The following KCNMB2 variants were observed in gnomAD, a reference collection of about 807,000 sequenced individuals.
KCNMB2 encodes potassium calcium-activated channel subfamily M regulatory beta subunit 2, also known as calcium-activated potassium channel subunit beta-2.
KCNMB2 carries 9 observed loss-of-function variants against 24.5 expected under a neutral mutation model. The ratio of observed to expected loss-of-function variants is 0.37; its 90% confidence interval spans 0.22 to 0.64. KCNMB2 has a LOEUF of 0.64. KCNMB2 is among the 30% of genes least tolerant of loss of function. KCNMB2 has a pLI of 0.63. For missense variants in KCNMB2, 226 were observed against 284.3 expected (o/e 0.79, Z 1.47); for synonymous variants, 109 against 104.4 (o/e 1.04, Z -0.27).
intron 1 of KCNMB2, among the ~76,000 whole-genome samples, chr3:178,552,101 G>A (rs140955148): frequency 0.036 from 5,496 of 152,248 alleles, 180 homozygotes; most frequent in South Asian, 0.12. Flanking sequence ...CTTTCCTGTG[G>A]ATCAAAATCT....
intron 1 of KCNMB2, among the ~76,000 whole-genome samples, chr3:178,620,271 C>T (rs942450543): frequency 7.2e-5 from 11 of 151,926 alleles, no homozygotes; most frequent in African/African-American, 2.4e-4. Context: ...TGCCAAAATG[C>T]TAATAGCTGG....
Position 178,598,850 on chromosome 3 carries a change from G to A in KCNMB2, c.-68+62139G>A, listed in dbSNP as rs116465547. On this transcript the variant is annotated intron_variant, in intron 1 of 4. Transcript: ENST00000452583. Reference sequence around the variant, plus strand: ...GTATGCACTCTCCTCTAAGTCAGTCGTTCTTCATTCTTGCTGCACACTACA... The same window carrying A: ...GTATGCACTCTCCTCTAAGTCAGTCATTCTTCATTCTTGCTGCACACTACA... Among the ~76,000 whole-genome samples, 402 of 152,134 alleles carry A rather than the reference G, an allele frequency of 2.6e-3. 3 individuals carry two copies. Among genetic ancestry groups the A allele is most frequent in the African/African-American group, 9.2e-3 (380 of 41,508 alleles).
chr3:178,808,119 T>C (rs981706426), intron 2 of KCNMB2, among the ~76,000 whole-genome samples: 2 of 151,748 alleles, frequency 1.3e-5, no homozygotes, highest in Non-Finnish European at 2.9e-5. Flanking sequence ...AAGGGAAAAA[T>C]GAGGGAATAA....
intron 1 of KCNMB2, among the ~76,000 whole-genome samples, chr3:178,612,430 T>A (rs922408331): frequency 6.6e-6 from 1 of 152,174 alleles, no homozygotes; most frequent in Non-Finnish European, 1.5e-5. Context: ...CAGTGTTGGG[T>A]GCATATATAT....
intron 1 of KCNMB2, among the ~76,000 whole-genome samples, chr3:178,612,421 A>C (rs1718513325): frequency 6.6e-6 from 1 of 152,098 alleles, no homozygotes; most frequent in African/African-American, 2.4e-5. Context: ...TGGGTGCTGC[A>C]GTGTTGGGTG....
chr3:178,585,853 T>C (rs542264586), intron 1 of KCNMB2, among the ~76,000 whole-genome samples: 1 of 152,354 alleles, frequency 6.6e-6, no homozygotes, highest in Admixed American at 6.5e-5. Flanking sequence ...ATAAAAGTGA[T>C]CATTTATATG....
At chr3:178,598,307 A>C (rs1342484352) in intron 1 of KCNMB2, among the ~76,000 whole-genome samples, 1 of 152,172 alleles carries the variant, frequency 6.6e-6, no homozygotes. Context: ...TCTGCGATGC[A>C]AATTATAGAC....
At chr3:178,620,069 G>C (rs1216081843) in intron 1 of KCNMB2, among the ~76,000 whole-genome samples, 1 of 152,064 alleles carries the variant, frequency 6.6e-6, no homozygotes, top group Non-Finnish European at 1.5e-5. Context: ...CATTCTTATT[G>C]ACTTATTCTA....
At chr3:178,581,651 G>A (rs965285460) in intron 1 of KCNMB2, among the ~76,000 whole-genome samples, 2 of 151,996 alleles carry the variant, frequency 1.3e-5, no homozygotes, top group African/African-American at 2.4e-5. Flanking sequence ...AATCTACAAG[G>A]AGCTTAAACA....
At chr3:178,660,632 C>T (rs1386104784) in intron 1 of KCNMB2, among the ~76,000 whole-genome samples, 1 of 149,176 alleles carries the variant, frequency 6.7e-6, no homozygotes, top group East Asian at 2.0e-4. Context: ...ATCTTTCATA[C>T]ATAATCACTA....
Position 178,772,009 on chromosome 3 carries a change from A to G in KCNMB2, c.-67-35334A>G, listed in dbSNP as rs541748917. 2.5e-3 allele frequency among the ~76,000 whole-genome samples: 376 copies of G among 151,872 alleles called. 1 individual carries two copies. The highest frequency in any genetic ancestry group is 5.0e-3 in the South Asian group (24 of 4,810). The stretch of plus-strand genomic sequence containing the variant: ...CACTCCATAGCTAAATTCCTTACTT[A>G]CTCGCCTCTAGCTAAATCCTTTACC... On this transcript the variant is annotated intron_variant, in intron 1 of 4. Transcript: ENST00000452583.
At chr3:178,651,343 C>T (rs188748153) in intron 1 of KCNMB2, among the ~76,000 whole-genome samples, 236 of 152,210 alleles carry the variant, frequency 1.6e-3, no homozygotes, top group Non-Finnish European at 1.1e-3. Flanking sequence ...AATAAAATAC[C>T]TAGAAATACA....
chr3:178,792,227 A>T (rs1235292101), intron 1 of KCNMB2, among the ~76,000 whole-genome samples: 1 of 152,334 alleles, frequency 6.6e-6, no homozygotes, highest in East Asian at 1.9e-4. Flanking sequence ...AGAAATGACT[A>T]AAAGTTTAAA....
chr3:178,657,078 C>T (rs919050711), intron 1 of KCNMB2, among the ~76,000 whole-genome samples: 3 of 152,138 alleles, frequency 2.0e-5, no homozygotes, highest in African/African-American at 7.2e-5. Context: ...TATTACATTC[C>T]TGCAAAATGA....
chr3:178,797,260 A>G lies in KCNMB2; in HGVS notation c.-67-10083A>G, dbSNP rs553276672. Among the ~76,000 whole-genome samples, 7 of 152,312 alleles carry G rather than the reference A, an allele frequency of 4.6e-5. No individual in the cohort carries two copies. In the South Asian group the frequency reaches 1.4e-3, roughly 32 times the overall value. On this transcript the variant is annotated intron_variant, in intron 1 of 4. Coordinates refer to ENST00000452583, the MANE Select transcript of KCNMB2 (RefSeq NM_181361.3). Reference sequence around the variant, plus strand: ...CCATAATAAAAAGCTTCCTGCAAAGAAAAGCCCAGGACCTAATGGCTTCAC... The same window carrying G: ...CCATAATAAAAAGCTTCCTGCAAAGGAAAGCCCAGGACCTAATGGCTTCAC...
intron 1 of KCNMB2, among the ~76,000 whole-genome samples, chr3:178,619,838 T>C (rs1273342197): frequency 1.3e-5 from 2 of 152,178 alleles, no homozygotes; most frequent in Non-Finnish European, 2.9e-5. Context: ...TAATCTTTGT[T>C]TTTAGTAGGC....
chr3:178,732,971 T>C (rs1559994122), intron 1 of KCNMB2, among the ~76,000 whole-genome samples: 1 of 152,122 alleles, frequency 6.6e-6, no homozygotes, highest in Non-Finnish European at 1.5e-5. Flanking sequence ...TGATGGGGGA[T>C]AAACAGCAAA....
At chr3:178,753,085 C>T (rs944588037) in intron 1 of KCNMB2, among the ~76,000 whole-genome samples, 8 of 152,168 alleles carry the variant, frequency 5.3e-5, no homozygotes, top group African/African-American at 1.9e-4. Flanking sequence ...TTGCTCTCTG[C>T]ATGTTATTGA....
At chr3:178,781,383 G>A (rs1393556686) in intron 1 of KCNMB2, among the ~76,000 whole-genome samples, 1 of 151,912 alleles carries the variant, frequency 6.6e-6, no homozygotes, top group Non-Finnish European at 1.5e-5. Context: ...CCTGAGGTCA[G>A]GGGTTTGAGA....
Sources: gnomAD v4.1 joint callset for allele counts (sites outside exome capture counted in the v4.1 genomes callset) on GRCh38, gnomAD v4.1.1 for gene constraint, MANE v1.5 for transcripts, NCBI Gene and HGNC (gene_info 2026-07-23, HGNC 2026-07-21) for gene names.